GALNTL6: variants seen among roughly 807,000 people sequenced by gnomAD.
The protein encoded by GALNTL6 is polypeptide N-acetylgalactosaminyltransferase like 6.
GALNTL6 carries 46 observed loss-of-function variants against 73.7 expected under a neutral mutation model. The ratio of observed to expected loss-of-function variants is 0.62; its 90% CI spans 0.49 to 0.80. GALNTL6 has a LOEUF of 0.80. Ranked by LOEUF, GALNTL6 falls within the 30% of genes least tolerant of loss-of-function variation. The pLI, the probability that GALNTL6 is intolerant of heterozygous loss-of-function variation, is 0.00. For synonymous variants in GALNTL6, 259 were observed against 263.7 expected, an observed-to-expected ratio of 0.98 and a Z score of 0.17; for missense variants, 604 against 755.0, an observed-to-expected ratio of 0.80 and a Z score of 2.34.
intron 5 of GALNTL6, among the ~76,000 whole-genome samples, chr4:172,648,108 T>A (rs568298685): frequency 5.4e-4 from 82 of 152,226 alleles, no homozygotes; most frequent in African/African-American, 1.9e-3. Context: ...TGGGTGGGAC[T>A]AGGGATTGGT....
At chr4:172,065,955 C>G (rs1731349739) in intron 2 of GALNTL6, among the ~76,000 whole-genome samples, 1 of 152,138 alleles carries the variant, frequency 6.6e-6, no homozygotes, top group South Asian at 2.1e-4. Context: ...CTGGTCCCAC[C>G]CTTGACATGT....
intron 2 of GALNTL6, among the ~76,000 whole-genome samples, chr4:172,189,820 A>T (rs1455192494): frequency 6.6e-6 from 1 of 152,116 alleles, no homozygotes; most frequent in Non-Finnish European, 1.5e-5. Flanking sequence ...CAATGATAAT[A>T]ATAATGATGA....
chr4:172,166,013 GA>G (rs930579589), intron 2 of GALNTL6, among the ~76,000 whole-genome samples: 7 of 152,142 alleles, frequency 4.6e-5, no homozygotes, highest in Admixed American at 3.9e-4. Context: ...ACTAGAATAA[GA>G]TAAACAAAAT....
At chr4:171,979,646 G>A (rs1217876382) in intron 2 of GALNTL6, among the ~76,000 whole-genome samples, 5 of 152,162 alleles carry the variant, frequency 3.3e-5, no homozygotes, top group Non-Finnish European at 5.9e-5. Context: ...AGTTGCCAAG[G>A]TTCATGGTGT....
At chr4:172,911,831 T>A (rs1747220919) in intron 8 of GALNTL6, among the ~76,000 whole-genome samples, 1 of 152,262 alleles carries the variant, frequency 6.6e-6, no homozygotes, top group Non-Finnish European at 1.5e-5. Context: ...TTATGTCTAA[T>A]GGCATTTTCC....
intron 5 of GALNTL6, among the ~76,000 whole-genome samples, chr4:172,471,805 A>T (rs550624587): frequency 2.0e-5 from 3 of 152,244 alleles, no homozygotes; most frequent in Non-Finnish European, 4.4e-5. Context: ...GTAAGAGCTC[A>T]CTATTTATTA....
rs760769172 is a variant in GALNTL6, at chr4:172,694,344, T to C, written c.554-115017T>C. Among the ~76,000 whole-genome samples the C allele has an allele frequency of 3.3e-4, 50 of 152,212 alleles. 1 individual carries two copies. Among genetic ancestry groups the C allele is most frequent in the Admixed American group, 6.5e-4 (10 of 15,272 alleles). On this transcript the variant is annotated intron_variant, in intron 5 of 12. Transcript: ENST00000506823. The stretch of plus-strand genomic sequence containing the variant: ...AGTGTATGATGTTCCCCTCCCTGTG[T>C]CCATGTGTTCTCATTGTTCAACTCC...
At chr4:172,165,622 G>T (rs1471691052) in intron 2 of GALNTL6, among the ~76,000 whole-genome samples, 1 of 152,128 alleles carries the variant, frequency 6.6e-6, no homozygotes, top group Non-Finnish European at 1.5e-5. Context: ...TGTATATTAT[G>T]AATGGGAATT....
intron 10 of GALNTL6, among the ~76,000 whole-genome samples, chr4:172,958,470 G>A (rs1002410412): frequency 6.6e-6 from 1 of 152,146 alleles, no homozygotes; most frequent in Non-Finnish European, 1.5e-5. Context: ...TTTAGGATCT[G>A]TGGGGTCAGC....
At chr4:171,819,943 T>G (rs1734639559) in intron 2 of GALNTL6, among the ~76,000 whole-genome samples, 1 of 152,124 alleles carries the variant, frequency 6.6e-6, no homozygotes, top group Non-Finnish European at 1.5e-5. Flanking sequence ...AAGGTGCAAG[T>G]GTGCAAAGAA....
At chr4:172,019,965 C>T (rs1416478929) in intron 2 of GALNTL6, among the ~76,000 whole-genome samples, 1 of 152,034 alleles carries the variant, frequency 6.6e-6, no homozygotes, top group South Asian at 2.1e-4. Flanking sequence ...TAATATTAAG[C>T]ATCTTTTCTG....
intron 6 of GALNTL6, among the ~76,000 whole-genome samples, chr4:172,810,313 G>A (rs1741216262): frequency 6.6e-6 from 1 of 152,114 alleles, no homozygotes; most frequent in African/African-American, 2.4e-5. Flanking sequence ...CATTACTTTT[G>A]TTTTAAAATG....
At chr4:172,706,173 A>G (rs550118979) in intron 5 of GALNTL6, among the ~76,000 whole-genome samples, 1 of 150,856 alleles carries the variant, frequency 6.6e-6, no homozygotes, top group Non-Finnish European at 1.5e-5. Context: ...TTTCTCTTTT[A>G]TTTATTTCCA....
intron 2 of GALNTL6, among the ~76,000 whole-genome samples, chr4:172,016,868 G>A (rs761933112): frequency 3.3e-5 from 5 of 152,068 alleles, no homozygotes; most frequent in Non-Finnish European, 5.9e-5. Context: ...GTTATAGAGA[G>A]TCTTTATGTG....
At chr4:172,536,420 T>G (rs1156468883) in intron 5 of GALNTL6, among the ~76,000 whole-genome samples, 2 of 152,212 alleles carry the variant, frequency 1.3e-5, no homozygotes, top group African/African-American at 4.8e-5. Flanking sequence ...TTAATGGCTT[T>G]GACCAAAATG....
In GALNTL6 at chr4:172,624,720, T is replaced by G. The variant is rs182175849; in HGVS notation, c.554-184641T>G. 2.2e-4 allele frequency among the ~76,000 whole-genome samples: 34 copies of G among 152,234 alleles called. No individual in the cohort carries two copies. In the East Asian group the frequency reaches 6.4e-3, roughly 29 times the overall value. On this transcript the variant is annotated intron_variant, in intron 5 of 12. Transcript: ENST00000506823. The stretch of plus-strand genomic sequence containing the variant: ...GTTTTAGTACTTTCTAATTCATTAT[T>G]GACAATGTTGGTCTGTATTCATCAC...
chr4:172,366,945 A>C (rs1742588087), intron 5 of GALNTL6, among the ~76,000 whole-genome samples: 1 of 152,186 alleles, frequency 6.6e-6, no homozygotes, highest in Non-Finnish European at 1.5e-5. Context: ...GGTAACATCA[A>C]TTGTGTATTT....
chr4:172,791,365 T>C (rs75473367), intron 5 of GALNTL6, among the ~76,000 whole-genome samples: 6,150 of 152,232 alleles, frequency 0.04, 402 homozygotes, highest in African/African-American at 0.14. Context: ...GTATCCTCCA[T>C]TGAAAATATA....
chr4:172,072,588 T>TGTACTCTCAAC (rs1731577880), intron 2 of GALNTL6, among the ~76,000 whole-genome samples: 1 of 152,188 alleles, frequency 6.6e-6, no homozygotes, highest in African/African-American at 2.4e-5. Flanking sequence ...CACAACGTAC[T>TGTACTCTCAAC]GTACTGTCCA....
Sources: allele counts gnomAD v4.1 joint callset (sites outside exome capture counted in the v4.1 genomes callset), GRCh38; gene constraint gnomAD v4.1.1; transcripts MANE v1.5; gene names NCBI Gene and HGNC (gene_info 2026-07-23, HGNC 2026-07-21).